TMEM240: variants seen among roughly 807,000 people sequenced by gnomAD.
TMEM240 encodes transmembrane protein 240, also known as transmembrane protein C1orf70.
TMEM240 carries 3 observed loss-of-function variants against 19.5 expected under a neutral mutation model. That is an observed-to-expected ratio of 0.15 (90% CI 0.07 to 0.40). The LOEUF is 0.40. Ranked by LOEUF, TMEM240 falls within the 10% of genes least tolerant of loss-of-function variation. The pLI, the probability that TMEM240 is intolerant of heterozygous loss-of-function variation, is 1.00. For synonymous variants in TMEM240, 123 were observed against 109.3 expected (o/e 1.13, Z -0.78); for missense variants, 210 against 253.5 (o/e 0.83, Z 1.17).
rs1490939157 is a variant in TMEM240 at position 1,535,548 on chromosome 1, AGGGCGGCAGCACTCCC to A, written c.373+25_373+40del. On this transcript the variant is annotated intron_variant, in intron 3 of 3. Transcript: ENST00000378733. The surrounding 1 kb of genome is among the most constrained non-coding windows in gnomAD (Gnocchi z 8.2). ...GGCGGTCAGGCGGCTGGGGCCGGCC[AGGGCGGCAGCACTCCC>A]GGGCGGCGGGCACGAGGCACTCACC... is the stretch of plus-strand genomic sequence containing the variant. 1.3e-6 allele frequency: 2 copies of A among 1,540,692 alleles called. No homozygotes were observed. The highest frequency in any genetic ancestry group is 8.8e-7 in the Non-Finnish European group (1 of 1,141,780).
Position 1,535,743 on chromosome 1 carries a change from G to A in TMEM240, c.219C>T (p.Ala73=). Residue 73 remains alanine (A), a synonymous_variant, in exon 3 of 4, where the codon GCC becomes GCT. Coordinates refer to ENST00000378733, the MANE Select transcript of TMEM240 (RefSeq NM_001114748.2). This position sits in a 1 kb window ranked among gnomAD's most constrained non-coding sequence, Gnocchi z 8.2. The part of the protein sequence containing the change: ...PYDGDQSVVD[A]SENYFVTDSV... ...TGTCCGTCACAAAGTAGTTCTCGGAGGCGTCCACCACCGACTGGTCCCCGT... is the reference window on the plus strand; with the variant it reads ...TGTCCGTCACAAAGTAGTTCTCGGAAGCGTCCACCACCGACTGGTCCCCGT... The A allele has an allele frequency of 6.5e-7, 1 of 1,550,372 alleles. No homozygotes were observed. Among genetic ancestry groups the A allele is most frequent in the South Asian group, 1.2e-5 (1 of 84,060 alleles).
intron 2 of TMEM240, 114 bp downstream of exon 2, chr1:1,539,570 C>G (rs1160479038): frequency 3.2e-6 from 3 of 925,770 alleles, no homozygotes; most frequent in Non-Finnish European, 5.0e-6. Context: ...TGGCAGCCCT[C>G]AAGGGTGGAA....
chr1:1,535,021 G>C lies in TMEM240; in HGVS notation c.*338C>G, dbSNP rs1009666071. On this transcript the variant is annotated 3_prime_UTR_variant, in exon 4 of 4. Coordinates refer to ENST00000378733, the MANE Select transcript of TMEM240 (RefSeq NM_001114748.2). This position sits in a 1 kb window ranked among gnomAD's most constrained non-coding sequence, Gnocchi z 8.2. ...AAACAGATGCTGGCCCGGGCCGCGCGCCTCGCCGCCCCTGCCCCCACCTGC... is the reference window on the plus strand; with the variant it reads ...AAACAGATGCTGGCCCGGGCCGCGCCCCTCGCCGCCCCTGCCCCCACCTGC... Among the ~76,000 whole-genome samples, 1 of 147,742 alleles carries C rather than the reference G, an allele frequency of 6.8e-6. No homozygotes were observed. The highest frequency in any genetic ancestry group is 1.5e-5 in the Non-Finnish European group (1 of 66,990).
Position 1,540,512 on chromosome 1 carries a change from G to T in TMEM240, c.-166C>A, listed in dbSNP as rs915208356. ...ACCGGCCGGGGGGAGGAGGCGCGGG[G>T]GGGGGGGCGCCGGGGAGGGACGCGG... On this transcript the variant is annotated 5_prime_UTR_variant, in exon 1 of 4. Coordinates refer to ENST00000378733, the MANE Select transcript of TMEM240 (RefSeq NM_001114748.2). The T allele has an allele frequency of 2.4e-4, 42 of 176,558 alleles. 1 individual carries two copies. The highest frequency in any genetic ancestry group is 2.9e-4 in the Non-Finnish European group (25 of 85,378). 10.9% of individuals were successfully genotyped at this position (176,558 alleles called of 1,614,324 possible).
chr1:1,536,420 C>T lies in TMEM240; in HGVS notation c.165-623G>A, dbSNP rs2100696450. On this transcript the variant is annotated intron_variant, in intron 2 of 3. Coordinates refer to ENST00000378733, the MANE Select transcript of TMEM240 (RefSeq NM_001114748.2). This position sits in a 1 kb window ranked among gnomAD's most constrained non-coding sequence, Gnocchi z 5.4. Reference sequence around the variant, plus strand: ...GGCTCTACCCAGCACCCCATCCTCTCCCCTTCCTGGGGGACGCCCCCTTGC... The same window carrying T: ...GGCTCTACCCAGCACCCCATCCTCTTCCCTTCCTGGGGGACGCCCCCTTGC... Among the ~76,000 whole-genome samples the T allele has an allele frequency of 6.6e-6, 1 of 152,328 alleles. No individual in the cohort carries two copies. Among genetic ancestry groups the T allele is most frequent in the Non-Finnish European group, 1.5e-5 (1 of 68,010 alleles).
chr1:1,539,322 C>T, intron 2 of TMEM240: 1 of 231,300 alleles, frequency 4.3e-6, no homozygotes, highest in Non-Finnish European at 8.5e-6. Flanking sequence ...CCCAGGGACT[C>T]AGTGCAGGGC....
chr1:1,539,801 T>A lies in TMEM240; in HGVS notation c.58-11A>T, dbSNP rs1333336394. 2 of 1,541,684 alleles carry A rather than the reference T, an allele frequency of 1.3e-6. No individual in the cohort carries two copies. ...CAAGCACGCGATGGCCTGGAAGAGC[T>A]CATGACCGGTCAGCGCCAAGGAGCG... On this transcript the variant is annotated splice_polypyrimidine_tract_variant and intron_variant, in intron 1 of 3. Transcript: ENST00000378733.
chr1:1,540,394 C>T lies in TMEM240; in HGVS notation c.-48G>A, dbSNP rs1446083645. 3 of 916,720 alleles carry T rather than the reference C, an allele frequency of 3.3e-6. No individual in the cohort carries two copies. The highest frequency in any genetic ancestry group is 4.1e-6 in the Non-Finnish European group (3 of 732,188). 56.8% of individuals were successfully genotyped at this position (916,720 alleles called of 1,614,324 possible). On this transcript the variant is annotated 5_prime_UTR_variant, in exon 1 of 4. Coordinates refer to ENST00000378733, the MANE Select transcript of TMEM240 (RefSeq NM_001114748.2). Reference sequence around the variant, plus strand: ...GAGCGCCGCCCCCCGGCCCCGGCGCCCCCCCGGCCCCGGCCCGATGCTGAG... The same window carrying T: ...GAGCGCCGCCCCCCGGCCCCGGCGCTCCCCCGGCCCCGGCCCGATGCTGAG...
chr1:1,535,162 C>A lies in TMEM240; in HGVS notation c.*197G>T, dbSNP rs1642191357. On this transcript the variant is annotated 3_prime_UTR_variant, in exon 4 of 4. Coordinates refer to ENST00000378733, the MANE Select transcript of TMEM240 (RefSeq NM_001114748.2). The surrounding 1 kb of genome is among the most constrained non-coding windows in gnomAD (Gnocchi z 8.2). ...AGGGTCTCCCCTAACCCAACCCCCA[C>A]CCTAGCCCACACCCCAACCCCCTTT... The A allele has an allele frequency of 9.3e-6, 5 of 539,348 alleles. No homozygotes were observed. The highest frequency in any genetic ancestry group is 2.1e-5 in the African/African-American group (1 of 48,744). 33.4% of individuals were successfully genotyped at this position (539,348 alleles called of 1,614,324 possible). A position where few individuals can be genotyped will look rare whatever the true frequency, so the allele number is the denominator to read the frequency against.
Position 1,535,919 on chromosome 1 carries a change from G to GGC in TMEM240, c.165-123_165-122insGC. 1 of 426,050 alleles carries GGC rather than the reference G, an allele frequency of 2.3e-6. No individual in the cohort carries two copies. The highest frequency in any genetic ancestry group is 4.6e-6 in the Non-Finnish European group (1 of 216,022). 26.4% of individuals were successfully genotyped at this position (426,050 alleles called of 1,614,324 possible). A position where few individuals can be genotyped will look rare whatever the true frequency, so the allele number is the denominator to read the frequency against. On this transcript the variant is annotated intron_variant, in intron 2 of 3. Transcript: ENST00000378733. This position sits in a 1 kb window ranked among gnomAD's most constrained non-coding sequence, Gnocchi z 8.2. ...GCCGCCCTGGGGGTTCTCTGAAGCA[G>GGC]CCTCTTGGGCGGGCGGGTCGGGAAG... is the stretch of plus-strand genomic sequence containing the variant.
rs911710952 is a variant in TMEM240 at position 1,536,767 on chromosome 1, G to T, written c.165-970C>A. On this transcript the variant is annotated intron_variant, in intron 2 of 3. Transcript: ENST00000378733. This position sits in a 1 kb window ranked among gnomAD's most constrained non-coding sequence, Gnocchi z 5.4. ...ACAGGAGGGCCTGGGAGTGGAGCCCGCGGGCCCCACGCGCCTTGCGGTCCA... is the reference window on the plus strand; with the variant it reads ...ACAGGAGGGCCTGGGAGTGGAGCCCTCGGGCCCCACGCGCCTTGCGGTCCA... Among the ~76,000 whole-genome samples the T allele has an allele frequency of 6.6e-6, 1 of 152,092 alleles. No homozygotes were observed. Among genetic ancestry groups the T allele is most frequent in the Non-Finnish European group, 1.5e-5 (1 of 67,994 alleles).
rs1057339857 is a variant in TMEM240 at position 1,540,518 on chromosome 1, G to A, written c.-172C>T. The A allele has an allele frequency of 6.9e-4, 115 of 167,468 alleles. No homozygotes were observed. Among genetic ancestry groups the A allele is most frequent in the Non-Finnish European group, 1.1e-3 (92 of 80,292 alleles). The allele number at this position is 167,468 out of a possible 1,614,324, so 10.4% of individuals were successfully genotyped here. ...CGGGGGGAGGAGGCGCGGGGGGGGG[G>A]GCGCCGGGGAGGGACGCGGGGCCTT... is the stretch of plus-strand genomic sequence containing the variant. On this transcript the variant is annotated 5_prime_UTR_variant, in exon 1 of 4. Coordinates refer to ENST00000378733, the MANE Select transcript of TMEM240 (RefSeq NM_001114748.2).
rs901351558 is a variant in TMEM240 at position 1,536,021 on chromosome 1, G to T, written c.165-224C>A. Among the ~76,000 whole-genome samples the T allele has an allele frequency of 6.6e-6, 1 of 152,102 alleles. No individual in the cohort carries two copies. Among genetic ancestry groups the T allele is most frequent in the African/African-American group, 2.4e-5 (1 of 41,400 alleles). ...TCAGTGGCCATGGGCTGTGGAGGCC[G>T]AGCGTGAAGTCCGGGCAGACAGCGG... On this transcript the variant is annotated intron_variant, in intron 2 of 3. Coordinates refer to ENST00000378733, the MANE Select transcript of TMEM240 (RefSeq NM_001114748.2). The surrounding 1 kb of genome is among the most constrained non-coding windows in gnomAD (Gnocchi z 5.4).
chr1:1,537,654 T>C (rs1642242760), intron 2 of TMEM240, among the ~76,000 whole-genome samples: 1 of 152,298 alleles, frequency 6.6e-6, no homozygotes, highest in South Asian at 2.1e-4. Context: ...ACGTGTGTCC[T>C]GCCTGCACCA....
At chr1:1,537,059 T>TC (rs1642233982) in intron 2 of TMEM240, among the ~76,000 whole-genome samples, 1 of 150,730 alleles carries the variant, frequency 6.6e-6, no homozygotes, top group Admixed American at 6.6e-5. Context: ...CTTGCAGCCC[T>TC]CTCCAGGCCA....
chr1:1,535,905 GGTTCTCTGAAGCAGCCTCTTGGGCGGGC>G lies in TMEM240; in HGVS notation c.165-136_165-109del. 1 of 806,676 alleles carries G rather than the reference GGTTCTCTGAAGCAGCCTCTTGGGCGGGC, an allele frequency of 1.2e-6. No homozygotes were observed. The highest frequency in any genetic ancestry group is 2.7e-5 in the East Asian group (1 of 36,424). 50.0% of individuals were successfully genotyped at this position (806,676 alleles called of 1,614,324 possible). On this transcript the variant is annotated intron_variant, in intron 2 of 3. Transcript: ENST00000378733. This position sits in a 1 kb window ranked among gnomAD's most constrained non-coding sequence, Gnocchi z 8.2. ...TGTGACCGCGTCAGGCCGCCCTGGG[GGTTCTCTGAAGCAGCCTCTTGGGCGGGC>G]GGGTCGGGAAGGGGGCACCAGACTC...
At position 1,535,501 on chromosome 1, in the gene TMEM240, G is replaced by A. The variant is rs945185314; in HGVS notation, c.380C>T (p.Ser127Leu). The change falls in exon 4 of 4, where the codon TCG becomes TTG. Residue 127 changes from serine to leucine, a missense_variant. Physicochemically the swap from Ser to Leu is moderately radical, Grantham distance 145. Transcript: ENST00000378733. The surrounding 1 kb of genome is among the most constrained non-coding windows in gnomAD (Gnocchi z 8.2). Reference protein sequence around the residue: ...AWRAGRRYDGSWTWLPKLCSL... With the variant: ...AWRAGRRYDGLWTWLPKLCSL... ...GCACAGCTTGGGCAGCCAGGTCCAC[G>A]AGCCATCTGCGGGGGGACAGGGGCG... The A allele has an allele frequency of 2.8e-5, 43 of 1,546,448 alleles. No homozygotes were observed. The highest frequency in any genetic ancestry group is 3.5e-5 in the Non-Finnish European group (40 of 1,144,920).
At chr1:1,537,576 A>G (rs1019530355) in intron 2 of TMEM240, among the ~76,000 whole-genome samples, 1 of 151,930 alleles carries the variant, frequency 6.6e-6, no homozygotes, top group African/African-American at 2.4e-5. Flanking sequence ...AGGTCTCCCA[A>G]GTGAAAGCAG....
chr1:1,536,120 C>T lies in TMEM240; in HGVS notation c.165-323G>A, dbSNP rs1272636108. 2.0e-5 allele frequency among the ~76,000 whole-genome samples: 3 copies of T among 152,226 alleles called. No individual in the cohort carries two copies. The highest frequency in any genetic ancestry group is 4.4e-5 in the Non-Finnish European group (3 of 67,970). ...GAGGCCTGGAGCTCACGGGAAGGTG[C>T]TGCAGGTGGAAGAGGCCTCCCCCGG... On this transcript the variant is annotated intron_variant, in intron 2 of 3. Coordinates refer to ENST00000378733, the MANE Select transcript of TMEM240 (RefSeq NM_001114748.2). This position sits in a 1 kb window ranked among gnomAD's most constrained non-coding sequence, Gnocchi z 5.4.
Sources: allele counts gnomAD v4.1 joint callset (sites outside exome capture counted in the v4.1 genomes callset), GRCh38; gene constraint gnomAD v4.1.1; non-coding constraint Gnocchi (gnomAD v3.1); transcripts MANE v1.5; gene names NCBI Gene and HGNC (gene_info 2026-07-23, HGNC 2026-07-21).